The following RGL1 variants were observed in gnomAD, a reference collection of about 807,000 sequenced individuals.
RGL1 encodes the protein ral guanine nucleotide dissociation stimulator like 1.
In RGL1, 24 loss-of-function variants were observed where a neutral mutation model predicts 95.2. That is an observed-to-expected ratio of 0.25 (90% CI 0.18 to 0.35). RGL1 has a LOEUF of 0.35. Among genes scored for constraint, RGL1 ranks in the 10% least tolerant of loss-of-function variants. The pLI, the probability that RGL1 is intolerant of heterozygous loss-of-function variation, is 1.00. For missense variants in RGL1, 715 were observed against 936.3 expected, an observed-to-expected ratio of 0.76 and a Z score of 3.08; for synonymous variants, 329 against 344.9, an observed-to-expected ratio of 0.95 and a Z score of 0.51.
chr1:183,823,474 T>C lies in RGL1; in HGVS notation c.138+16989T>C, dbSNP rs1477041062. Among the ~76,000 whole-genome samples, 4 of 152,270 alleles carry C rather than the reference T, an allele frequency of 2.6e-5. No individual in the cohort carries two copies. The East Asian group carries it at 7.7e-4, about 29-fold the overall frequency. On this transcript the variant is annotated intron_variant, in intron 2 of 17. Transcript: ENST00000360851. Reference sequence around the variant, plus strand: ...TTTAATAAGGTTCTGTATAATTATCTACTTTATTTGTTAAAATGATTTATT... The same window carrying C: ...TTTAATAAGGTTCTGTATAATTATCCACTTTATTTGTTAAAATGATTTATT...
intron 4 of RGL1, among the ~76,000 whole-genome samples, chr1:183,871,980 A>ATT (rs56336152): frequency 0.18 from 27,291 of 152,152 alleles, 3,445 homozygotes; most frequent in African/African-American, 0.35. Context: ...GGCTAGACTG[A>ATT]TTATATAAGG....
chr1:183,832,388 T>A (rs1663322435), intron 2 of RGL1, among the ~76,000 whole-genome samples: 1 of 152,220 alleles, frequency 6.6e-6, no homozygotes, highest in Non-Finnish European at 1.5e-5. Context: ...GTGAATGTGG[T>A]AATTGGAAAT....
At chr1:183,734,430 C>G (rs972693678) in intron 1 of RGL1, among the ~76,000 whole-genome samples, 7 of 152,250 alleles carry the variant, frequency 4.6e-5, no homozygotes, top group Middle Eastern at 3.4e-3. Flanking sequence ...TAAACTGAGG[C>G]TTGTAACATG....
chr1:183,884,811 C>T lies in RGL1; in HGVS notation c.824C>T (p.Thr275Met), dbSNP rs1667021100. 2.5e-6 allele frequency: 4 copies of T among 1,614,108 alleles called. No individual in the cohort carries two copies. Among genetic ancestry groups the T allele is most frequent in the Non-Finnish European group, 3.4e-6 (4 of 1,179,980 alleles). The change falls in exon 7 of 18, where the codon ACG becomes ATG. Residue 275 changes from threonine to methionine, a missense_variant. By Grantham distance (81) the Thr-to-Met change is moderately conservative. Transcript: ENST00000360851. ...DKKENKHLAP[T>M]IRATISQFNT... ...AAGGAAAACAAACATTTGGCTCCTA[C>T]GATCCGTGCCACCATCTCTCAGTTT...
chr1:183,809,869 A>T (rs1429063569), intron 2 of RGL1, among the ~76,000 whole-genome samples: 1 of 152,142 alleles, frequency 6.6e-6, no homozygotes, highest in Non-Finnish European at 1.5e-5. Flanking sequence ...AGGTGGGAGG[A>T]TCGCGTGAGC....
At chr1:183,688,981 T>C (rs188738117) in intron 1 of RGL1, among the ~76,000 whole-genome samples, 68 of 152,290 alleles carry the variant, frequency 4.5e-4, no homozygotes, top group African/African-American at 1.4e-3. Flanking sequence ...ATGGAAACAT[T>C]GAATAAATAA....
chr1:183,922,299 G>A lies in RGL1; in HGVS notation c.2082G>A (p.Glu694=). The A allele has an allele frequency of 6.2e-7, 1 of 1,614,106 alleles. No homozygotes were observed. Among genetic ancestry groups the A allele is most frequent in the Non-Finnish European group, 8.5e-7 (1 of 1,179,998 alleles). Residue 694 remains glutamate (E), a synonymous_variant, in exon 17 of 18, where the codon GAG becomes GAA. Coordinates refer to ENST00000360851, the MANE Select transcript of RGL1 (RefSeq NM_001297671.3). ...LKHNLDSDPA[E]EYELVQVISE... ...ACAATCTGGACTCAGACCCCGCCGA[G>A]GAGTACGAGCTGGTGCAGGTCATCT...
intron 1 of RGL1, among the ~76,000 whole-genome samples, chr1:183,700,699 C>G (rs1654541151): frequency 6.6e-6 from 1 of 152,022 alleles, no homozygotes; most frequent in Non-Finnish European, 1.5e-5. Flanking sequence ...GTGCACACCA[C>G]CACACTTGGC....
intron 2 of RGL1, among the ~76,000 whole-genome samples, chr1:183,752,468 G>A (rs190170276): frequency 9.2e-5 from 14 of 152,050 alleles, no homozygotes; most frequent in South Asian, 2.1e-4. Flanking sequence ...CTTGTGATCC[G>A]CCCACCTCGG....
chr1:183,665,257 G>A (rs1651950323), intron 1 of RGL1, among the ~76,000 whole-genome samples: 1 of 152,114 alleles, frequency 6.6e-6, no homozygotes, highest in African/African-American at 2.4e-5. Context: ...GTTGTGATGT[G>A]TAATTCTTTT....
At chr1:183,673,567 T>C (rs184587391) in intron 1 of RGL1, among the ~76,000 whole-genome samples, 124 of 152,368 alleles carry the variant, frequency 8.1e-4, no homozygotes, top group Middle Eastern at 3.4e-3. Context: ...GACTTAAATG[T>C]CGATGCCAGT....
intron 1 of RGL1, among the ~76,000 whole-genome samples, chr1:183,672,556 G>C (rs1325143699): frequency 6.6e-6 from 1 of 152,122 alleles, no homozygotes. Flanking sequence ...CTCCGGATCA[G>C]TCATCTAGTT....
intron 1 of RGL1, among the ~76,000 whole-genome samples, chr1:183,691,735 G>A (rs1353104662): frequency 6.6e-6 from 1 of 152,142 alleles, no homozygotes; most frequent in Non-Finnish European, 1.5e-5. Flanking sequence ...ATAGAATTCA[G>A]TTTAATTGGA....
intron 2 of RGL1, among the ~76,000 whole-genome samples, chr1:183,763,248 G>T (rs1290486205): frequency 5.3e-5 from 8 of 152,294 alleles, no homozygotes; most frequent in Admixed American, 4.6e-4. Flanking sequence ...AGGACATGGG[G>T]ACTAGGGGAG....
intron 13 of RGL1, among the ~76,000 whole-genome samples, chr1:183,906,093 A>G (rs148973504): frequency 2.0e-5 from 3 of 152,282 alleles, no homozygotes; most frequent in African/African-American, 7.2e-5. Context: ...AGTGAAATTG[A>G]CAGCAAAATA....
chr1:183,877,199 T>C (rs1666545397), intron 4 of RGL1, among the ~76,000 whole-genome samples: 1 of 152,202 alleles, frequency 6.6e-6, no homozygotes, highest in Non-Finnish European at 1.5e-5. Flanking sequence ...AAGTGGCTTC[T>C]GTAGTCTAAC....
intron 2 of RGL1, among the ~76,000 whole-genome samples, chr1:183,750,869 T>A (rs970092039): frequency 2.0e-5 from 3 of 152,250 alleles, no homozygotes; most frequent in Non-Finnish European, 4.4e-5. Context: ...AGACTCTGTT[T>A]GTCTGGGTAT....
chr1:183,770,456 C>T (rs1190711127), intron 2 of RGL1, among the ~76,000 whole-genome samples: 1 of 152,104 alleles, frequency 6.6e-6, no homozygotes, highest in Non-Finnish European at 1.5e-5. Flanking sequence ...ACCAAAACAC[C>T]AGGGGTTCAG....
intron 2 of RGL1, among the ~76,000 whole-genome samples, chr1:183,846,111 C>G (rs1282193341): frequency 6.6e-6 from 1 of 152,202 alleles, no homozygotes; most frequent in Non-Finnish European, 1.5e-5. Flanking sequence ...TATTGCAGCA[C>G]TGTTCACAAT....
Sources: allele counts gnomAD v4.1 joint callset (sites outside exome capture counted in the v4.1 genomes callset), GRCh38; gene constraint gnomAD v4.1.1; transcripts MANE v1.5; gene names NCBI Gene and HGNC (gene_info 2026-07-23, HGNC 2026-07-21).